Variants in TMEM132B observed in about 807,000 individuals in gnomAD.
TMEM132B encodes transmembrane protein 132B.
A neutral mutation model predicts 90.8 loss-of-function variants in TMEM132B; 18 were observed. The ratio of observed to expected loss-of-function variants is 0.20; its 90% confidence interval spans 0.14 to 0.29. TMEM132B has a LOEUF of 0.29. Among genes scored for constraint, TMEM132B ranks in the 10% least tolerant of loss-of-function variants. The pLI is 1.00. For synonymous variants in TMEM132B, 504 were observed against 523.3 expected (o/e 0.96, Z 0.50); for missense variants, 1,096 against 1,326.8 (o/e 0.83, Z 2.70).
intron 2 of TMEM132B, among the ~76,000 whole-genome samples, chr12:125,409,603 TGGAGTGGAGTGGAGTGGA>T (rs1487260399): frequency 2.1e-4 from 11 of 52,614 alleles, no homozygotes; most frequent in African/African-American, 3.7e-4. Flanking sequence ...AGTGGAGGAG[TGGAGTGGAGTGGAGTGGA>T]GGAGTGGAGT....
intron 1 of TMEM132B, among the ~76,000 whole-genome samples, chr12:125,265,875 A>G (rs1442951299): frequency 6.6e-6 from 1 of 152,114 alleles, no homozygotes; most frequent in Non-Finnish European, 1.5e-5. Context: ...AGTATAACCT[A>G]TGGGCCAAAT....
intron 3 of TMEM132B, among the ~76,000 whole-genome samples, chr12:125,436,770 C>T (rs1387804375): frequency 1.3e-5 from 2 of 152,196 alleles, no homozygotes; most frequent in Non-Finnish European, 2.9e-5. Flanking sequence ...CCCCAAGAGG[C>T]CAATCCACTT....
chr12:125,597,176 TC>T (rs1195405120), intron 5 of TMEM132B, among the ~76,000 whole-genome samples: 1 of 152,226 alleles, frequency 6.6e-6, no homozygotes, highest in African/African-American at 2.4e-5. Context: ...GAATATGCAA[TC>T]AATAATTGTT....
intron 4 of TMEM132B, among the ~76,000 whole-genome samples, chr12:125,566,803 T>A (rs1884666666): frequency 6.7e-6 from 1 of 149,764 alleles, no homozygotes; most frequent in South Asian, 2.1e-4. Flanking sequence ...CGATTCCTCC[T>A]CCTTCTCCTC....
At chr12:125,298,924 G>A (rs191135463) in intron 1 of TMEM132B, among the ~76,000 whole-genome samples, 234 of 151,622 alleles carry the variant, frequency 1.5e-3, no homozygotes, top group Middle Eastern at 0.01. Flanking sequence ...TAGTAGAGAC[G>A]GGGTTTCACC....
chr12:125,373,947 A>ACC (rs1244633268), intron 2 of TMEM132B, among the ~76,000 whole-genome samples: 2 of 152,112 alleles, frequency 1.3e-5, no homozygotes, highest in Non-Finnish European at 2.9e-5. Context: ...GGCACGCACC[A>ACC]CCAAGCCTGG....
chr12:125,297,008 G>A (rs1197545549), intron 1 of TMEM132B, among the ~76,000 whole-genome samples: 2 of 152,218 alleles, frequency 1.3e-5, no homozygotes, highest in African/African-American at 4.8e-5. Flanking sequence ...TCGTCCATCC[G>A]TCCTTCTGAG....
chr12:125,212,281 C>A (rs951112762), intron 1 of TMEM132B, among the ~76,000 whole-genome samples: 6 of 152,262 alleles, frequency 3.9e-5, no homozygotes, highest in African/African-American at 1.4e-4. Context: ...CCTACTGAAC[C>A]TCTAGGGATG....
chr12:125,228,209 C>T (rs1467894507), intron 1 of TMEM132B, among the ~76,000 whole-genome samples: 3 of 152,120 alleles, frequency 2.0e-5, no homozygotes, highest in Non-Finnish European at 2.9e-5. Context: ...TTCCGAGCCT[C>T]AGAAAGATGG....
chr12:125,406,986 C>T lies in TMEM132B; in HGVS notation c.960-8545C>T, dbSNP rs1185737392. Among the ~76,000 whole-genome samples, 3 of 152,178 alleles carry T rather than the reference C, an allele frequency of 2.0e-5. No homozygotes were observed. Among genetic ancestry groups the T allele is most frequent in the Middle Eastern group, 6.3e-3 (2 of 316 alleles). Reference sequence around the variant, plus strand: ...GGAGTCGTATGGACAGCATTTGCTTCTCCCAGAGCTGATGTGCAACCATAG... The same window carrying T: ...GGAGTCGTATGGACAGCATTTGCTTTTCCCAGAGCTGATGTGCAACCATAG... On this transcript the variant is annotated intron_variant, in intron 2 of 8. Coordinates refer to ENST00000682704, the MANE Select transcript of TMEM132B (RefSeq NM_001366854.1). This position sits in a 1 kb window ranked among gnomAD's most constrained non-coding sequence, Gnocchi z 8.3.
intron 3 of TMEM132B, among the ~76,000 whole-genome samples, chr12:125,471,204 A>C (rs957359277): frequency 4.3e-4 from 66 of 151,998 alleles, no homozygotes; most frequent in African/African-American, 1.5e-3. Context: ...TGATCTCTCT[A>C]TGTTTTCAGT....
chr12:125,260,096 G>T (rs1321184019), intron 1 of TMEM132B, among the ~76,000 whole-genome samples: 1 of 152,212 alleles, frequency 6.6e-6, no homozygotes. Context: ...TGCAAGCCAG[G>T]TTGGAGCTTT....
intron 3 of TMEM132B, among the ~76,000 whole-genome samples, chr12:125,489,722 GTAT>G (rs1338797705): frequency 4.6e-5 from 7 of 152,176 alleles, no homozygotes; most frequent in African/African-American, 1.7e-4. Context: ...ATTAGTTTAA[GTAT>G]TATTATCACA....
At chr12:125,605,738 A>G (rs1885679246) in intron 5 of TMEM132B, among the ~76,000 whole-genome samples, 1 of 152,194 alleles carries the variant, frequency 6.6e-6, no homozygotes, top group Non-Finnish European at 1.5e-5. Flanking sequence ...AGGGGTTCTG[A>G]TCTCCACATT....
Position 125,654,213 on chromosome 12 carries a change from G to A in TMEM132B, c.2755G>A (p.Val919Ile), listed in dbSNP as rs1175923522. 6.2e-7 allele frequency: 1 copy of A among 1,614,180 alleles called. No individual in the cohort carries two copies. Among genetic ancestry groups the A allele is most frequent in the East Asian group, 2.2e-5 (1 of 44,864 alleles). ...LLCVFCLAIL[V>I]FLINCVAFAW... Reference sequence around the variant, plus strand: ...CTGCGTCTTCTGTCTGGCCATTCTGGTCTTCTTGATCAACTGCGTGGCGTT... The same window carrying A: ...CTGCGTCTTCTGTCTGGCCATTCTGATCTTCTTGATCAACTGCGTGGCGTT... The change falls in exon 9 of 9, where the codon GTC becomes ATC. Residue 919 changes from valine (V) to isoleucine (I), a missense_variant. Transcript: ENST00000682704. This position sits in a 1 kb window ranked among gnomAD's most constrained non-coding sequence, Gnocchi z 5.8.
rs1873363534 is a variant in TMEM132B, at chr12:125,213,299, C to T, written c.67+26433C>T. Among the ~76,000 whole-genome samples, 1 of 152,224 alleles carries T rather than the reference C, an allele frequency of 6.6e-6. No homozygotes were observed. Among genetic ancestry groups the T allele is most frequent in the Admixed American group, 6.5e-5 (1 of 15,286 alleles). On this transcript the variant is annotated intron_variant, in intron 1 of 8. Coordinates refer to ENST00000682704, the MANE Select transcript of TMEM132B (RefSeq NM_001366854.1). The surrounding 1 kb of genome is among the most constrained non-coding windows in gnomAD (Gnocchi z 4.2). ...CATCTTCCATTGTCTATCGGATATG[C>T]CACCTTTTGTTTATCCGTTCATCTG... is the stretch of plus-strand genomic sequence containing the variant.
chr12:125,227,204 C>T (rs1392021320), intron 1 of TMEM132B, among the ~76,000 whole-genome samples: 1 of 152,180 alleles, frequency 6.6e-6, no homozygotes, highest in Non-Finnish European at 1.5e-5. Context: ...ACTGTCCTGG[C>T]TTGAAAGGGG....
chr12:125,364,548 A>G (rs1242498119), intron 2 of TMEM132B, among the ~76,000 whole-genome samples: 2 of 152,092 alleles, frequency 1.3e-5, no homozygotes, highest in Admixed American at 6.5e-5. Context: ...TTTGATATTT[A>G]TGTGATTTTG....
intron 3 of TMEM132B, among the ~76,000 whole-genome samples, chr12:125,465,410 A>G (rs1011497390): frequency 6.6e-6 from 1 of 152,236 alleles, no homozygotes; most frequent in Non-Finnish European, 1.5e-5. Context: ...TGCCTTCATC[A>G]GGTAAGGCAA....
Sources: gnomAD v4.1 joint callset for allele counts (sites outside exome capture counted in the v4.1 genomes callset) on GRCh38, gnomAD v4.1.1 for gene constraint, Gnocchi (gnomAD v3.1) non-coding constraint, MANE v1.5 for transcripts, NCBI Gene and HGNC (gene_info 2026-07-23, HGNC 2026-07-21) for gene names.